The following CPSF3 variants were observed in gnomAD, a reference collection of about 807,000 sequenced individuals.
The protein encoded by CPSF3 is cleavage and polyadenylation specificity factor subunit 3.
CPSF3 carries 57 observed loss-of-function variants against 84.1 expected under a neutral mutation model. The ratio of observed to expected loss-of-function variants is 0.68; its 90% CI spans 0.55 to 0.85. CPSF3 has a LOEUF of 0.85. Among genes scored for constraint, CPSF3 ranks in the 40% least tolerant of loss-of-function variants. CPSF3 has a pLI of 0.00. For missense variants in CPSF3, 522 were observed against 838.8 expected, an observed-to-expected ratio of 0.62 and a Z score of 4.66; for synonymous variants, 275 against 278.1, an observed-to-expected ratio of 0.99 and a Z score of 0.11.
intron 10 of CPSF3, among the ~76,000 whole-genome samples, chr2:9,445,588 A>G (rs1425958870): frequency 6.6e-6 from 1 of 152,148 alleles, no homozygotes; most frequent in Non-Finnish European, 1.5e-5. Context: ...ATAGCATCAC[A>G]GTGTGTAGGG....
chr2:9,429,094 G>A (rs1680489437), intron 2 of CPSF3, among the ~76,000 whole-genome samples: 1 of 152,184 alleles, frequency 6.6e-6, no homozygotes, highest in African/African-American at 2.4e-5. Context: ...CACTCCTGAA[G>A]GGTTGAGCCA....
chr2:9,433,238 G>T (rs929301987), intron 5 of CPSF3, among the ~76,000 whole-genome samples: 7 of 152,208 alleles, frequency 4.6e-5, no homozygotes, highest in Non-Finnish European at 1.0e-4. Context: ...CACTTAGGGA[G>T]CTGCTGAAAA....
chr2:9,451,033 C>T (rs2124840796), intron 11 of CPSF3, among the ~76,000 whole-genome samples: 1 of 152,002 alleles, frequency 6.6e-6, no homozygotes, highest in South Asian at 2.1e-4. Context: ...GAATCTAGAA[C>T]TGTATTTCAC....
At chr2:9,434,604 T>C (rs1680713310) in intron 6 of CPSF3, among the ~76,000 whole-genome samples, 1 of 152,170 alleles carries the variant, frequency 6.6e-6, no homozygotes, top group East Asian at 1.9e-4. Flanking sequence ...TTTAAAATGG[T>C]GTGACCTCAC....
At chr2:9,458,566 C>G (rs1681614004) in intron 14 of CPSF3, among the ~76,000 whole-genome samples, 1 of 152,126 alleles carries the variant, frequency 6.6e-6, no homozygotes, top group Non-Finnish European at 1.5e-5. Flanking sequence ...TATGATGGCT[C>G]ACACCTGTAA....
At position 9,458,789 on chromosome 2, in the gene CPSF3, G is replaced by A. The variant is rs904642284; in HGVS notation, c.1699-742G>A. ...CAAAAGCCAGGGGATCTGAGGCTTA[G>A]TGTGAGAAGCAAAAGTAAATATTTA... On this transcript the variant is annotated intron_variant, in intron 14 of 17. Coordinates refer to ENST00000238112, the MANE Select transcript of CPSF3 (RefSeq NM_016207.4). Among the ~76,000 whole-genome samples, 8 of 152,246 alleles carry A rather than the reference G, an allele frequency of 5.3e-5. No homozygotes were observed. The South Asian group carries it at 1.5e-3, about 28-fold the overall frequency.
intron 10 of CPSF3, among the ~76,000 whole-genome samples, chr2:9,445,452 T>C (rs1681098114): frequency 2.6e-5 from 4 of 152,208 alleles, no homozygotes; most frequent in Non-Finnish European, 4.4e-5. Context: ...CTAATGATGT[T>C]GAGCACCTTT....
intron 10 of CPSF3, among the ~76,000 whole-genome samples, chr2:9,445,133 ACT>A (rs567341941): frequency 1.5e-4 from 23 of 151,926 alleles, no homozygotes; most frequent in Non-Finnish European, 2.6e-4. Context: ...CCAAGCAGAA[ACT>A]CTGTACCGTT....
chr2:9,432,859 C>T (rs1484809108), intron 5 of CPSF3, among the ~76,000 whole-genome samples, 171 bp downstream of exon 5: 1 of 151,986 alleles, frequency 6.6e-6, no homozygotes, highest in East Asian at 1.9e-4. Flanking sequence ...CAGTTCCTAC[C>T]TCCATTACAA....
rs148302532 is a variant in CPSF3 at position 9,429,072 on chromosome 2, A to G, written c.114+244A>G. 3.0e-3 allele frequency among the ~76,000 whole-genome samples: 463 copies of G among 152,332 alleles called. 3 individuals are homozygous for G. The highest frequency in any genetic ancestry group is 9.6e-3 in the African/African-American group (401 of 41,584). Reference sequence around the variant, plus strand: ...GATCTGTTGAACTGTTACCTCTTCAAAGTCCCTCTTCCACTCCTGAAGGGT... The same window carrying G: ...GATCTGTTGAACTGTTACCTCTTCAGAGTCCCTCTTCCACTCCTGAAGGGT... On this transcript the variant is annotated intron_variant, in intron 2 of 17. Coordinates refer to ENST00000238112, the MANE Select transcript of CPSF3 (RefSeq NM_016207.4).
Position 9,430,749 on chromosome 2 carries a change from A to G in CPSF3, c.213-3A>G, listed in dbSNP as rs1216502703. 6.3e-7 allele frequency: 1 copy of G among 1,597,706 alleles called. No homozygotes were observed. The highest frequency in any genetic ancestry group is 8.5e-7 in the Non-Finnish European group (1 of 1,175,824). On this transcript the variant is annotated splice_polypyrimidine_tract_variant and splice_region_variant and intron_variant, in intron 3 of 17. Transcript: ENST00000238112. ...GAATTAATGCAGCCTCTTTCTTTTTAAGTTTCCATTTGGATCACTGTGGAG... is the reference window on the plus strand; with the variant it reads ...GAATTAATGCAGCCTCTTTCTTTTTGAGTTTCCATTTGGATCACTGTGGAG...
intron 12 of CPSF3, among the ~76,000 whole-genome samples, chr2:9,453,644 G>A (rs1279339400): frequency 1.3e-5 from 2 of 152,190 alleles, no homozygotes; most frequent in African/African-American, 4.8e-5. Context: ...TGTAATCCCA[G>A]CACTTTGAGA....
intron 10 of CPSF3, among the ~76,000 whole-genome samples, 155 bp from the exon 11 acceptor site, chr2:9,448,043 C>T (rs550881905): frequency 2.0e-5 from 3 of 152,198 alleles, no homozygotes; most frequent in South Asian, 2.1e-4. Context: ...CAAGTTGAAT[C>T]GGCTGGAGGT....
chr2:9,423,954 G>T, intron 1 of CPSF3, 131 bp downstream of exon 1: 1 of 1,470,362 alleles, frequency 6.8e-7, no homozygotes, highest in Non-Finnish European at 9.0e-7. Context: ...GCGCTTGCGG[G>T]CCAGGCTTCT....
intron 15 of CPSF3, among the ~76,000 whole-genome samples, chr2:9,466,285 C>T (rs77123910): frequency 0.073 from 9,933 of 136,084 alleles, 1,077 homozygotes; most frequent in African/African-American, 0.25. Context: ...CACACACGTG[C>T]GCACACAGAC....
chr2:9,450,906 A>G (rs1163056566), intron 11 of CPSF3, among the ~76,000 whole-genome samples: 1 of 152,172 alleles, frequency 6.6e-6, no homozygotes, highest in Non-Finnish European at 1.5e-5. Context: ...AACTTAGGGT[A>G]TGAGGTTTTT....
At chr2:9,467,863 G>C (rs768774525) in intron 16 of CPSF3, 87 bp downstream of exon 16, 3 of 1,069,626 alleles carry the variant, frequency 2.8e-6, no homozygotes, top group Non-Finnish European at 4.3e-6. Context: ...TTCAAGGACT[G>C]GGGCGTGGCT....
chr2:9,444,822 C>T (rs907205430), intron 10 of CPSF3, among the ~76,000 whole-genome samples: 4 of 152,060 alleles, frequency 2.6e-5, no homozygotes, highest in South Asian at 4.2e-4. Context: ...CGTGCCACCA[C>T]GCCCAGCTAA....
At chr2:9,457,147 A>ATG (rs70948817) in intron 14 of CPSF3, 120 bp downstream of exon 14, 66,022 of 332,338 alleles carry the variant, frequency 0.2, 6,671 homozygotes, top group East Asian at 0.39. Flanking sequence ...TGGAAAGTAT[A>ATG]TGTGTGTGTG....
Sources: allele counts gnomAD v4.1 joint callset (sites outside exome capture counted in the v4.1 genomes callset), GRCh38; gene constraint gnomAD v4.1.1; transcripts MANE v1.5; gene names NCBI Gene and HGNC (gene_info 2026-07-23, HGNC 2026-07-21).